SLC14A2: variants seen among roughly 807,000 people sequenced by gnomAD.
SLC14A2 encodes the protein urea transporter 2.
In SLC14A2, 91 loss-of-function variants were observed where a neutral mutation model predicts 104.6. The observed-to-expected ratio is 0.87, with a 90% CI of 0.73 to 1.04. SLC14A2 has a LOEUF of 1.04. Among genes scored for constraint, SLC14A2 ranks in the 50% least tolerant of loss-of-function variants. The pLI is 0.00. For synonymous variants in SLC14A2, 476 were observed against 466.4 expected (o/e 1.02, Z -0.27); for missense variants, 1,189 against 1,156.0 (o/e 1.03, Z -0.41).
intron 1 of SLC14A2, among the ~76,000 whole-genome samples, chr18:45,442,831 TTAAC>T (rs745676119): frequency 2.6e-5 from 4 of 152,200 alleles, no homozygotes; most frequent in Non-Finnish European, 4.4e-5. Flanking sequence ...AGATTTATCT[TTAAC>T]TAAGTCAGGT....
At chr18:45,391,379 T>C (rs1051834727) in intron 1 of SLC14A2, among the ~76,000 whole-genome samples, 5 of 152,230 alleles carry the variant, frequency 3.3e-5, no homozygotes, top group African/African-American at 7.2e-5. Context: ...AGTGCCGCAA[T>C]AAACATACGT....
At chr18:45,202,879 G>C in the SLC14A2 span, among the ~76,000 whole-genome samples, 2 of 152,046 alleles carry the variant, frequency 1.3e-5, no homozygotes, top group South Asian at 4.1e-4. Context: ...AAGACAATAA[G>C]ATTTGTAAAA....
chr18:45,422,713 A>G (rs538186959), intron 1 of SLC14A2, among the ~76,000 whole-genome samples: 23 of 152,204 alleles, frequency 1.5e-4, no homozygotes, highest in Non-Finnish European at 2.5e-4. Flanking sequence ...TGCTCCATCA[A>G]TGGAGCCAGA....
chr18:45,510,298 G>A (rs1409832416), intron 2 of SLC14A2, among the ~76,000 whole-genome samples: 1 of 152,174 alleles, frequency 6.6e-6, no homozygotes, highest in African/African-American at 2.4e-5. Context: ...GAGCCTGTCT[G>A]AGATAAAGTA....
At chr18:45,550,550 C>T (rs1399997878) in intron 2 of SLC14A2, among the ~76,000 whole-genome samples, 1 of 152,228 alleles carries the variant, frequency 6.6e-6, no homozygotes, top group Non-Finnish European at 1.5e-5. Flanking sequence ...GTGTGCCTGA[C>T]ACTTATCAGG....
chr18:45,652,059 G>A (rs1218653450), intron 10 of SLC14A2, among the ~76,000 whole-genome samples: 3 of 152,194 alleles, frequency 2.0e-5, no homozygotes, highest in Non-Finnish European at 2.9e-5. Flanking sequence ...TGCAAACATC[G>A]TGGAACATTT....
chr18:45,516,486 C>T (rs544090565), intron 2 of SLC14A2, among the ~76,000 whole-genome samples: 259 of 152,236 alleles, frequency 1.7e-3, no homozygotes, highest in Middle Eastern at 3.4e-3. Flanking sequence ...GCCCCAGGGA[C>T]GAGAGTGGGA....
At chr18:45,280,453 C>T (rs2084750666) in intron 1 of SLC14A2, among the ~76,000 whole-genome samples, 1 of 152,124 alleles carries the variant, frequency 6.6e-6, no homozygotes, top group South Asian at 2.1e-4. Context: ...TGAGGTTACA[C>T]AATTGTGGGA....
intron 1 of SLC14A2, among the ~76,000 whole-genome samples, chr18:45,291,371 G>T (rs1017414908): frequency 1.3e-5 from 2 of 152,106 alleles, no homozygotes; most frequent in Non-Finnish European, 2.9e-5. Flanking sequence ...GAGTGAGCAT[G>T]AAGGAACTAA....
chr18:45,508,882 T>C (rs1392616613), intron 2 of SLC14A2, among the ~76,000 whole-genome samples: 1 of 152,194 alleles, frequency 6.6e-6, no homozygotes, highest in Non-Finnish European at 1.5e-5. Context: ...TATGTAAACA[T>C]GTAAACAGAA....
At chr18:45,568,626 C>T (rs189599380) in intron 2 of SLC14A2, among the ~76,000 whole-genome samples, 1 of 152,192 alleles carries the variant, frequency 6.6e-6, no homozygotes, top group Non-Finnish European at 1.5e-5. Flanking sequence ...CATGAGGTAC[C>T]AGCAACATTC....
At chr18:45,415,329 TCAAA>T (rs1419955410) in intron 1 of SLC14A2, among the ~76,000 whole-genome samples, 1 of 152,150 alleles carries the variant, frequency 6.6e-6, no homozygotes, top group Non-Finnish European at 1.5e-5. Flanking sequence ...TCTGTATTGC[TCAAA>T]CAAATGTGTC....
intron 1 of SLC14A2, among the ~76,000 whole-genome samples, chr18:45,338,223 C>T (rs2034265152): frequency 1.3e-5 from 2 of 152,046 alleles, no homozygotes; most frequent in Admixed American, 1.3e-4. Flanking sequence ...TTTTTTGAGA[C>T]TGAGTCTTAC....
At chr18:45,375,066 T>A (rs1024275490) in intron 1 of SLC14A2, among the ~76,000 whole-genome samples, 3 of 152,156 alleles carry the variant, frequency 2.0e-5, no homozygotes, top group Non-Finnish European at 2.9e-5. Flanking sequence ...CCTAACCAAC[T>A]CCATCTTGCT....
chr18:45,367,615 G>A (rs2085679304), intron 1 of SLC14A2, among the ~76,000 whole-genome samples: 1 of 152,120 alleles, frequency 6.6e-6, no homozygotes, highest in Admixed American at 6.5e-5. Flanking sequence ...TGCCAGGGCT[G>A]GCTCATACCA....
chr18:45,548,208 G>T (rs1041104893), intron 2 of SLC14A2, among the ~76,000 whole-genome samples: 4 of 152,192 alleles, frequency 2.6e-5, no homozygotes, highest in Non-Finnish European at 1.5e-5. Flanking sequence ...CCTGCCCTGT[G>T]ATGTCATCCT....
intron 1 of SLC14A2, among the ~76,000 whole-genome samples, chr18:45,236,576 TAC>T (rs1491406728): frequency 8.0e-6 from 1 of 124,870 alleles, no homozygotes; most frequent in East Asian, 2.2e-4. Flanking sequence ...TATGTATATA[TAC>T]ATATATATAT....
intron 1 of SLC14A2, among the ~76,000 whole-genome samples, chr18:45,256,104 C>T (rs537863527): frequency 6.6e-6 from 1 of 152,298 alleles, no homozygotes; most frequent in South Asian, 2.1e-4. Context: ...ATGTCCACCC[C>T]TATCCCCAGG....
Position 45,674,848 on chromosome 18 carries a change from C to G in SLC14A2, c.2512+1031C>G, listed in dbSNP as rs150021318. On this transcript the variant is annotated intron_variant, in intron 18 of 19. Transcript: ENST00000255226. ...GGAGGTGCTTACTCTCAGGGCCAAGCAGGTGATGACCCTGACATATCCCCA... is the reference window on the plus strand; with the variant it reads ...GGAGGTGCTTACTCTCAGGGCCAAGGAGGTGATGACCCTGACATATCCCCA... Among the ~76,000 whole-genome samples the G allele has an allele frequency of 3.3e-3, 504 of 152,302 alleles. 4 individuals are homozygous for G. The highest frequency in any genetic ancestry group is 5.4e-3 in the Non-Finnish European group (365 of 68,026).
Sources: gnomAD v4.1 joint callset for allele counts (sites outside exome capture counted in the v4.1 genomes callset) on GRCh38, gnomAD v4.1.1 for gene constraint, MANE v1.5 for transcripts, NCBI Gene and HGNC (gene_info 2026-07-23, HGNC 2026-07-21) for gene names.